The following MAPK8 variants were observed in gnomAD, a reference collection of about 807,000 sequenced individuals.
The protein encoded by MAPK8 is mitogen-activated protein kinase 8.
Under a neutral mutation model 52.9 loss-of-function variants are expected in MAPK8, and 13 were observed. The observed-to-expected ratio is 0.25, with a 90% CI of 0.16 to 0.39. The LOEUF (loss-of-function observed/expected upper bound fraction) is 0.39. MAPK8 is among the 10% of genes least tolerant of loss of function. MAPK8 has a pLI of 1.00. For synonymous variants in MAPK8, 191 were observed against 169.8 expected (o/e 1.12, Z -0.97); for missense variants, 300 against 519.2 (o/e 0.58, Z 4.10).
chr10:48,400,543 C>T (rs530644760), intron 1 of MAPK8, among the ~76,000 whole-genome samples: 1 of 152,210 alleles, frequency 6.6e-6, no homozygotes, highest in Non-Finnish European at 1.5e-5. Context: ...AAGGCATTCT[C>T]ATGCTCTCTC....
intron 11 of MAPK8, 41 bp downstream of exon 11, chr10:48,431,311 T>A: frequency 7.3e-7 from 1 of 1,367,770 alleles, no homozygotes; most frequent in Non-Finnish European, 1.0e-6. Context: ...ACAGTTTACT[T>A]CTTGTGTTGT....
At chr10:48,356,998 G>A (rs181019746) in intron 1 of MAPK8, among the ~76,000 whole-genome samples, 63 of 150,902 alleles carry the variant, frequency 4.2e-4, no homozygotes, top group African/African-American at 1.4e-3. Context: ...GGCAAAAATC[G>A]GATTGTTTTT....
At chr10:48,405,646 T>G (rs1287950732) in intron 3 of MAPK8, among the ~76,000 whole-genome samples, 1 of 152,230 alleles carries the variant, frequency 6.6e-6, no homozygotes, top group South Asian at 2.1e-4. Flanking sequence ...CTTTTGTGAT[T>G]GTTCTAATGG....
At chr10:48,327,212 G>T (rs1306149903) in intron 1 of MAPK8, among the ~76,000 whole-genome samples, 1 of 151,998 alleles carries the variant, frequency 6.6e-6, no homozygotes, top group African/African-American at 2.4e-5. Context: ...GGTTTTTTGA[G>T]GGGAGTAGAG....
chr10:48,390,536 T>C (rs1264386950), intron 1 of MAPK8, among the ~76,000 whole-genome samples: 1 of 152,262 alleles, frequency 6.6e-6, no homozygotes, highest in African/African-American at 2.4e-5. Context: ...CCAGGGTCTC[T>C]AAAGTCTGGC....
At chr10:48,411,469 T>C (rs1420567286) in intron 5 of MAPK8, among the ~76,000 whole-genome samples, 1 of 152,200 alleles carries the variant, frequency 6.6e-6, no homozygotes, top group African/African-American at 2.4e-5. Context: ...TTCACATAGC[T>C]CCTATGTGCC....
chr10:48,316,250 C>G (rs1842489797), intron 1 of MAPK8, among the ~76,000 whole-genome samples: 1 of 152,164 alleles, frequency 6.6e-6, no homozygotes, highest in South Asian at 2.1e-4. Context: ...TTTAGATACA[C>G]AAATACTTCC....
At chr10:48,317,694 A>C (rs1405701022) in intron 1 of MAPK8, among the ~76,000 whole-genome samples, 1 of 152,164 alleles carries the variant, frequency 6.6e-6, no homozygotes, top group Non-Finnish European at 1.5e-5. Context: ...TTTCCATCTA[A>C]CAGGAGGAAA....
rs145105672 is a variant in MAPK8 at position 48,376,915 on chromosome 10, C to T, written c.-49-24697C>T. Among the ~76,000 whole-genome samples, 15 of 152,274 alleles carry T rather than the reference C, an allele frequency of 9.9e-5. No individual in the cohort carries two copies. The East Asian group carries it at 2.9e-3, about 29-fold the overall frequency. On this transcript the variant is annotated intron_variant, in intron 1 of 11. Transcript: ENST00000374189. ...TCATTCTACTATAAAGACACATGCA[C>T]ATGTATGTTTATTGTGTCACTGTCC... is the stretch of plus-strand genomic sequence containing the variant.
rs918273043 is a variant in MAPK8, at chr10:48,359,568, T to C, written c.-49-42044T>C. Among the ~76,000 whole-genome samples the C allele has an allele frequency of 3.3e-5, 5 of 152,118 alleles. No individual in the cohort carries two copies. The South Asian group carries it at 1.0e-3, about 31-fold the overall frequency. On this transcript the variant is annotated intron_variant, in intron 1 of 11. Coordinates refer to ENST00000374189, the MANE Select transcript of MAPK8 (RefSeq NM_001323329.2). ...AAACATTGTGATATTGGTACAAAGG[T>C]AGAAAATAGACAGTGGAAAGAATAG...
At chr10:48,332,100 A>G (rs969631538) in intron 1 of MAPK8, among the ~76,000 whole-genome samples, 2 of 152,316 alleles carry the variant, frequency 1.3e-5, no homozygotes, top group African/African-American at 4.8e-5. Flanking sequence ...GGTCAAATCT[A>G]GGTACAGTCT....
chr10:48,337,978 C>G (rs1273443883), intron 1 of MAPK8, among the ~76,000 whole-genome samples: 3 of 152,074 alleles, frequency 2.0e-5, no homozygotes, highest in Non-Finnish European at 4.4e-5. Flanking sequence ...ACAAAAAGCC[C>G]TGAACCAAAA....
At chr10:48,388,726 T>C (rs2041460040) in intron 1 of MAPK8, among the ~76,000 whole-genome samples, 1 of 152,188 alleles carries the variant, frequency 6.6e-6, no homozygotes, top group Non-Finnish European at 1.5e-5. Flanking sequence ...AGTAAAATTC[T>C]GGTTTTCTTT....
At chr10:48,357,845 C>T (rs2463956) in intron 1 of MAPK8, among the ~76,000 whole-genome samples, 4,952 of 152,254 alleles carry the variant, frequency 0.033, 282 homozygotes, top group African/African-American at 0.11. Context: ...GTATCCGTTA[C>T]GTAGTCACTC....
intron 11 of MAPK8, among the ~76,000 whole-genome samples, chr10:48,432,842 T>A (rs1188390499): frequency 6.6e-6 from 1 of 152,234 alleles, no homozygotes; most frequent in Non-Finnish European, 1.5e-5. Flanking sequence ...AGACTTTTTC[T>A]GGATCCTCAG....
intron 1 of MAPK8, among the ~76,000 whole-genome samples, chr10:48,350,138 C>CA (rs1206724753): frequency 2.6e-5 from 4 of 151,600 alleles, no homozygotes; most frequent in South Asian, 2.1e-4. Flanking sequence ...GCCTGCTAAC[C>CA]AAAAAAAAGC....
intron 5 of MAPK8, among the ~76,000 whole-genome samples, chr10:48,417,588 T>G (rs1037807620): frequency 1.3e-5 from 2 of 152,164 alleles, no homozygotes; most frequent in African/African-American, 4.8e-5. Context: ...GCATCTAAAC[T>G]GAAGCATACA....
At chr10:48,320,889 TTGTC>T (rs769484397) in intron 1 of MAPK8, among the ~76,000 whole-genome samples, 1 of 152,130 alleles carries the variant, frequency 6.6e-6, no homozygotes, top group Non-Finnish European at 1.5e-5. Context: ...AAGCTTGTTA[TTGTC>T]TGTCTTGAAA....
intron 1 of MAPK8, among the ~76,000 whole-genome samples, chr10:48,401,391 A>T (rs1348984486): frequency 6.6e-6 from 1 of 152,092 alleles, no homozygotes; most frequent in African/African-American, 2.4e-5. Flanking sequence ...TGGAGGAATG[A>T]TTTATCCTAA....
Sources: allele counts gnomAD v4.1 joint callset (sites outside exome capture counted in the v4.1 genomes callset), GRCh38; gene constraint gnomAD v4.1.1; transcripts MANE v1.5; gene names NCBI Gene and HGNC (gene_info 2026-07-23, HGNC 2026-07-21).